The following BCR variants were observed in gnomAD, a reference collection of about 807,000 sequenced individuals.
BCR encodes breakpoint cluster region protein.
Under a neutral mutation model 138.6 loss-of-function variants are expected in BCR, and 58 were observed. That is an observed-to-expected ratio of 0.42 (90% CI 0.34 to 0.52). The LOEUF is 0.52. Ranked by LOEUF, BCR falls within the 20% of genes least tolerant of loss-of-function variation. The pLI, the probability that BCR is intolerant of heterozygous loss-of-function variation, is 0.06. For synonymous variants in BCR, 786 were observed against 730.1 expected (o/e 1.08, Z -1.23); for missense variants, 1,599 against 1,727.2 (o/e 0.93, Z 1.32).
At chr22:23,268,277 G>A (rs911508925) in intron 4 of BCR, 131 bp from the exon 5 acceptor site, 73 of 661,106 alleles carry the variant, frequency 1.1e-4, no homozygotes, top group Middle Eastern at 8.0e-4. Context: ...CGGAAGCGCC[G>A]AGGCCTCTGC....
intron 1 of BCR, among the ~76,000 whole-genome samples, chr22:23,186,157 A>T (rs1285925764): frequency 6.6e-6 from 1 of 152,238 alleles, no homozygotes; most frequent in East Asian, 1.9e-4. Context: ...AGAGGACTTG[A>T]TCAGTCACCA....
chr22:23,263,463 T>C (rs1354420106), intron 4 of BCR: 4 of 1,465,578 alleles, frequency 2.7e-6, no homozygotes, highest in Non-Finnish European at 3.8e-6. Flanking sequence ...TCTGCTGAAG[T>C]GGAGATGCAG....
At chr22:23,230,898 G>A (rs979797781) in intron 1 of BCR, among the ~76,000 whole-genome samples, 12 of 152,154 alleles carry the variant, frequency 7.9e-5, no homozygotes, top group Admixed American at 2.6e-4. Flanking sequence ...GACACATAGC[G>A]TTCCTTCAGG....
chr22:23,233,364 G>C (rs2146245782), intron 1 of BCR, among the ~76,000 whole-genome samples: 1 of 152,268 alleles, frequency 6.6e-6, no homozygotes, highest in South Asian at 2.1e-4. Flanking sequence ...TTCTCGTTTG[G>C]AAACAGAAGA....
chr22:23,187,178 T>G (rs2146196285), intron 1 of BCR, among the ~76,000 whole-genome samples: 1 of 152,300 alleles, frequency 6.6e-6, no homozygotes, highest in African/African-American at 2.4e-5. Context: ...GGACTTTTAC[T>G]GATCATTGGA....
intron 1 of BCR, among the ~76,000 whole-genome samples, chr22:23,233,054 T>C (rs540699558): frequency 6.6e-6 from 1 of 152,340 alleles, no homozygotes; most frequent in East Asian, 1.9e-4. Flanking sequence ...GAAGCATCTT[T>C]CCAGACAATT....
At chr22:23,263,431 T>TGGG in intron 4 of BCR, 1 of 1,329,358 alleles carries the variant, frequency 7.5e-7, no homozygotes, top group Non-Finnish European at 1.1e-6. Context: ...AACTGGATAG[T>TGGG]GGGGTGCTGC....
intron 1 of BCR, among the ~76,000 whole-genome samples, chr22:23,251,931 G>A (rs1172506641): frequency 1.3e-5 from 2 of 152,206 alleles, no homozygotes; most frequent in African/African-American, 4.8e-5. Context: ...CTCAGGCTGA[G>A]AACAGGCCAT....
intron 1 of BCR, among the ~76,000 whole-genome samples, chr22:23,239,493 C>T (rs1303634964): frequency 6.6e-6 from 1 of 152,176 alleles, no homozygotes; most frequent in Admixed American, 6.5e-5. Context: ...TTGGTGTCTG[C>T]TCTTCCCCTC....
chr22:23,284,226 TG>T, intron 9 of BCR, 128 bp downstream of exon 9: 1 of 1,368,914 alleles, frequency 7.3e-7, no homozygotes, highest in Non-Finnish European at 9.9e-7. Context: ...TTGGGCACAA[TG>T]CCAGGCTCCA....
chr22:23,182,182 C>A lies in BCR; in HGVS notation c.1222C>A (p.Arg408Ser). ...GTCCGAGGCCACCATCGTGGGCGTC[C>A]GCAAGACCGGGCAGATCTGGCCCAA... Reference protein sequence around the residue: ...VVSEATIVGVRKTGQIWPNDG... With the variant: ...VVSEATIVGVSKTGQIWPNDG... The change falls in exon 1 of 23, where the codon CGC becomes AGC. Residue 408 changes from arginine (R) to serine (S), a missense_variant. Physicochemically the swap from Arg to Ser is moderately radical, Grantham distance 110. Transcript: ENST00000305877. 1 of 1,601,884 alleles carries A rather than the reference C, an allele frequency of 6.2e-7. No individual in the cohort carries two copies.
intron 14 of BCR, chr22:23,290,673 G>T (rs775632285): frequency 2.0e-6 from 1 of 498,692 alleles, no homozygotes; most frequent in African/African-American, 1.9e-5. Flanking sequence ...CAGGTGGATC[G>T]AGTAATTGCA....
At chr22:23,201,540 C>G (rs1222907962) in intron 1 of BCR, among the ~76,000 whole-genome samples, 1 of 152,202 alleles carries the variant, frequency 6.6e-6, no homozygotes, top group Non-Finnish European at 1.5e-5. Context: ...TCACTGCAAG[C>G]TCCGCCTCCT....
chr22:23,292,668 C>T lies in BCR; in HGVS notation c.2880+30C>T, dbSNP rs768907640. 3 of 1,564,340 alleles carry T rather than the reference C, an allele frequency of 1.9e-6. No homozygotes were observed. The Admixed American group carries it at 5.1e-5, about 27-fold the overall frequency. On this transcript the variant is annotated intron_variant, in intron 15 of 22. Coordinates refer to ENST00000305877, the MANE Select transcript of BCR (RefSeq NM_004327.4). The stretch of plus-strand genomic sequence containing the variant: ...GGAACTGATTCCACAAGGGCCCAGC[C>T]TGCCAGGTGGGGCACAGGATATTTT...
chr22:23,269,219 G>A (rs1330848179), intron 5 of BCR, among the ~76,000 whole-genome samples: 1 of 152,228 alleles, frequency 6.6e-6, no homozygotes, highest in Admixed American at 6.5e-5. Flanking sequence ...CCCTGGGTCT[G>A]CACTCCAGAC....
intron 1 of BCR, among the ~76,000 whole-genome samples, 188 bp from the exon 2 acceptor site, chr22:23,253,611 C>A (rs1352216952): frequency 6.6e-6 from 1 of 152,168 alleles, no homozygotes; most frequent in Non-Finnish European, 1.5e-5. Flanking sequence ...GGAGTGAGCT[C>A]ATGTTCATCC....
intron 1 of BCR, among the ~76,000 whole-genome samples, chr22:23,186,405 G>A (rs1285490936): frequency 1.3e-5 from 2 of 152,212 alleles, no homozygotes; most frequent in Non-Finnish European, 2.9e-5. Context: ...GTCAAGTGAA[G>A]CAGGGGAACA....
intron 16 of BCR, among the ~76,000 whole-genome samples, chr22:23,308,310 T>C (rs2073970546): frequency 1.3e-5 from 2 of 151,838 alleles, no homozygotes; most frequent in Admixed American, 6.6e-5. Context: ...TTTTTTGTTT[T>C]TGCTTTTATT....
At chr22:23,315,348 G>A in intron 22 of BCR, 85 bp from the exon 23 acceptor site, 1 of 1,228,380 alleles carries the variant, frequency 8.1e-7, no homozygotes, top group Non-Finnish European at 1.2e-6. Context: ...AGATGGACTT[G>A]GAGGCTTGGG....
Sources: gnomAD v4.1 joint callset for allele counts (sites outside exome capture counted in the v4.1 genomes callset) on GRCh38, gnomAD v4.1.1 for gene constraint, MANE v1.5 for transcripts, NCBI Gene and HGNC (gene_info 2026-07-23, HGNC 2026-07-21) for gene names.